CTNNA3: variants seen among roughly 807,000 people sequenced by gnomAD.
The protein encoded by CTNNA3 is catenin alpha-3.
A neutral mutation model predicts 95.7 loss-of-function variants in CTNNA3; 76 were observed. The observed-to-expected ratio is 0.79, with a 90% CI of 0.66 to 0.96. The LOEUF (loss-of-function observed/expected upper bound fraction) is 0.96, where lower values mean the gene tolerates loss of function less well. Ranked by LOEUF, CTNNA3 falls within the 40% of genes least tolerant of loss-of-function variation. The probability of loss-of-function intolerance (pLI) is 0.00; values close to 1 mark genes in which losing one functional copy is unlikely to be tolerated. For synonymous variants in CTNNA3, 431 were observed against 374.4 expected, an observed-to-expected ratio of 1.15 and a Z score of -1.74; for missense variants, 1,191 against 1,089.8, an observed-to-expected ratio of 1.09 and a Z score of -1.31.
At chr10:66,963,575 G>A (rs1240968100) in intron 7 of CTNNA3, among the ~76,000 whole-genome samples, 2 of 152,132 alleles carry the variant, frequency 1.3e-5, no homozygotes, top group Non-Finnish European at 2.9e-5. Flanking sequence ...ACCTGCAGTG[G>A]TAGTTTGGGT....
At chr10:67,135,538 G>A (rs185899067) in intron 7 of CTNNA3, among the ~76,000 whole-genome samples, 3 of 152,176 alleles carry the variant, frequency 2.0e-5, no homozygotes, top group South Asian at 2.1e-4. Flanking sequence ...AAAGGGGTAT[G>A]GTGGTACATG....
chr10:66,482,541 C>T (rs1005743154), intron 11 of CTNNA3, among the ~76,000 whole-genome samples: 5 of 151,036 alleles, frequency 3.3e-5, no homozygotes, highest in Non-Finnish European at 5.9e-5. Flanking sequence ...ATGCGTTAAA[C>T]CAATATATTA....
At chr10:66,902,333 T>C (rs1467179288) in intron 7 of CTNNA3, among the ~76,000 whole-genome samples, 2 of 152,040 alleles carry the variant, frequency 1.3e-5, no homozygotes, top group Non-Finnish European at 2.9e-5. Context: ...TTAAAACCAG[T>C]GAGAACAAAG....
At chr10:67,360,417 A>G (rs1249216804) in intron 5 of CTNNA3, among the ~76,000 whole-genome samples, 2 of 120,922 alleles carry the variant, frequency 1.7e-5, no homozygotes, top group Non-Finnish European at 3.5e-5. Context: ...AGCAAGCAGG[A>G]AAAAAAAAAA....
chr10:66,308,650 T>C (rs1031150522), intron 12 of CTNNA3, among the ~76,000 whole-genome samples: 3 of 152,186 alleles, frequency 2.0e-5, no homozygotes, highest in Non-Finnish European at 2.9e-5. Context: ...TTGATATACT[T>C]ACATATATTT....
intron 7 of CTNNA3, among the ~76,000 whole-genome samples, chr10:66,873,797 CT>C (rs1227887621): frequency 6.6e-6 from 1 of 152,096 alleles, no homozygotes; most frequent in Non-Finnish European, 1.5e-5. Flanking sequence ...AGACTTCAGG[CT>C]ATTAAAAATC....
chr10:67,450,323 T>G (rs1257869639), intron 5 of CTNNA3, among the ~76,000 whole-genome samples: 3 of 152,164 alleles, frequency 2.0e-5, no homozygotes, highest in Non-Finnish European at 4.4e-5. Context: ...TATAAATCAT[T>G]CTACCATAAA....
At chr10:66,704,784 AC>A (rs1430212122) in intron 9 of CTNNA3, among the ~76,000 whole-genome samples, 4 of 152,246 alleles carry the variant, frequency 2.6e-5, no homozygotes, top group African/African-American at 9.6e-5. Flanking sequence ...GCAATGCTCA[AC>A]CTGTACTAGT....
In CTNNA3 at chr10:66,638,195, C is replaced by A. The variant is rs143500891; in HGVS notation, c.1282-16411G>T. Among the ~76,000 whole-genome samples the A allele has an allele frequency of 1.9e-3, 295 of 152,286 alleles. 3 individuals carry two copies. The highest frequency in any genetic ancestry group is 7.0e-3 in the African/African-American group (290 of 41,554). ...CAAAATCCCTCTTGCAATCTTTGTT[C>A]ATGATTTTGTCTCAAATTCTGAATT... On this transcript the variant is annotated intron_variant, in intron 9 of 17. Transcript: ENST00000433211.
intron 15 of CTNNA3, among the ~76,000 whole-genome samples, chr10:66,053,603 T>C (rs952831608): frequency 3.9e-5 from 6 of 152,052 alleles, no homozygotes; most frequent in Admixed American, 2.6e-4. Flanking sequence ...TCTATTTTTG[T>C]ACCCATTAAC....
chr10:66,426,062 C>G (rs2093238190), intron 11 of CTNNA3, among the ~76,000 whole-genome samples: 1 of 152,012 alleles, frequency 6.6e-6, no homozygotes, highest in Non-Finnish European at 1.5e-5. Flanking sequence ...ATGACTGTTT[C>G]ATTCATTTTC....
Position 67,590,452 on chromosome 10 carries a change from A to T in CTNNA3, c.292+16405T>A, listed in dbSNP as rs1564766067. ...AGCCATGCATATATGGAACTTTGGC[A>T]TTTGACAAACGTGACATACCAAAAC... On this transcript the variant is annotated intron_variant, in intron 3 of 17. Transcript: ENST00000433211. Among the ~76,000 whole-genome samples, 3 of 152,130 alleles carry T rather than the reference A, an allele frequency of 2.0e-5. No homozygotes were observed. In the South Asian group the frequency reaches 6.2e-4, roughly 31 times the overall value.
intron 5 of CTNNA3, among the ~76,000 whole-genome samples, chr10:67,500,888 A>T (rs1418695304): frequency 6.6e-6 from 1 of 152,190 alleles, no homozygotes; most frequent in South Asian, 2.1e-4. Context: ...TCCTGAATAC[A>T]GCACACTGAT....
intron 13 of CTNNA3, among the ~76,000 whole-genome samples, chr10:66,151,177 A>T (rs953822519): frequency 1.3e-5 from 2 of 151,994 alleles, no homozygotes; most frequent in Non-Finnish European, 2.9e-5. Context: ...AAAAGACTTA[A>T]TTGTAATTCA....
rs555245627 is a variant in CTNNA3 at position 67,290,643 on chromosome 10, G to C, written c.580-70773C>G. 5.3e-5 allele frequency among the ~76,000 whole-genome samples: 8 copies of C among 152,216 alleles called. No individual in the cohort carries two copies. The East Asian group carries it at 1.3e-3, about 26-fold the overall frequency. ...ACTGAGGCAACAAGAGGTAAGAAAT[G>C]TGACCAAGGTTACATCACTAGCAGG... On this transcript the variant is annotated intron_variant, in intron 5 of 17. Coordinates refer to ENST00000433211, the MANE Select transcript of CTNNA3 (RefSeq NM_013266.4).
rs80087656 is a variant in CTNNA3, at chr10:65,988,280, T to C, written c.2265+412A>G. Among the ~76,000 whole-genome samples, 1,172 of 152,144 alleles carry C rather than the reference T, an allele frequency of 7.7e-3. 8 individuals carry two copies. Among genetic ancestry groups the C allele is most frequent in the Admixed American group, 0.013 (195 of 15,268 alleles). ...CAGTGTATACATGTATAGAAATATA[T>C]GTACTCTACAAAGGCAATTATTATA... On this transcript the variant is annotated intron_variant, in intron 16 of 17. Transcript: ENST00000433211.
chr10:66,930,422 A>T (rs970683790), intron 7 of CTNNA3, among the ~76,000 whole-genome samples: 10 of 152,312 alleles, frequency 6.6e-5, no homozygotes, highest in South Asian at 6.2e-4. Context: ...TACATTTTTC[A>T]TAAAGCATCA....
intron 13 of CTNNA3, among the ~76,000 whole-genome samples, chr10:66,217,079 G>C (rs925083182): frequency 3.3e-5 from 5 of 151,986 alleles, no homozygotes; most frequent in African/African-American, 1.2e-4. Context: ...CATACAGCCG[G>C]GCGCGTTGGC....
At chr10:67,372,294 T>A (rs1843499772) in intron 5 of CTNNA3, among the ~76,000 whole-genome samples, 2 of 152,170 alleles carry the variant, frequency 1.3e-5, no homozygotes, top group South Asian at 2.1e-4. Flanking sequence ...AGACATGAAG[T>A]CCTTGCCCAT....
Sources: gnomAD v4.1 joint callset for allele counts (sites outside exome capture counted in the v4.1 genomes callset) on GRCh38, gnomAD v4.1.1 for gene constraint, MANE v1.5 for transcripts, NCBI Gene and HGNC (gene_info 2026-07-23, HGNC 2026-07-21) for gene names.